The following TMEM204 variants were observed in gnomAD, a reference collection of about 807,000 sequenced individuals.
The protein encoded by TMEM204 is claudin-like protein 24.
In TMEM204, 15 loss-of-function variants were observed where a neutral mutation model predicts 19.4. The observed-to-expected ratio is 0.77, with a 90% CI of 0.52 to 1.19. TMEM204 has a LOEUF of 1.19. Among genes scored for constraint, TMEM204 ranks in the 50% most tolerant of loss-of-function variants. The probability of loss-of-function intolerance (pLI) is 0.00; values close to 1 mark genes in which losing one functional copy is unlikely to be tolerated. For missense variants in TMEM204, 287 were observed against 321.2 expected, an observed-to-expected ratio of 0.89 and a Z score of 0.81; for synonymous variants, 161 against 146.0, an observed-to-expected ratio of 1.10 and a Z score of -0.74.
intron 1 of TMEM204, chr16:1,540,836 C>T (rs900034768): frequency 2.0e-6 from 2 of 985,266 alleles, no homozygotes; most frequent in African/African-American, 1.7e-5. Flanking sequence ...CAATAGAAAA[C>T]AAGGCATGGC....
chr16:1,545,284 AG>A (rs2032073185), intron 2 of TMEM204, among the ~76,000 whole-genome samples: 1 of 150,908 alleles, frequency 6.6e-6, no homozygotes, highest in African/African-American at 2.4e-5. Context: ...CCAGAACGGC[AG>A]GCACCAGGGC....
In TMEM204 at chr16:1,553,636, A is replaced by G. The variant is rs1377013280; in HGVS notation, c.437-1146A>G. ...GAAACAGACTCACTCAGGTTACTGT[A>G]ACAGAGAGGGAGGGGTGCTGGGTGG... On this transcript the variant is annotated intron_variant, in intron 2 of 2. Transcript: ENST00000566264. This position sits in a 1 kb window ranked among gnomAD's most constrained non-coding sequence, Gnocchi z 4.4. 20 of 1,060,346 alleles carry G rather than the reference A, an allele frequency of 1.9e-5. No individual in the cohort carries two copies. The highest frequency in any genetic ancestry group is 2.3e-5 in the Non-Finnish European group (20 of 872,238). The allele number at this position is 1,060,346 out of a possible 1,614,324, so 65.7% of individuals were successfully genotyped here.
chr16:1,554,703 T>C, intron 2 of TMEM204, 79 bp from the exon 3 acceptor site: 1 of 1,575,710 alleles, frequency 6.3e-7, no homozygotes, highest in Non-Finnish European at 8.6e-7. Flanking sequence ...TGGAACCTGC[T>C]CTAGGACAGA....
In TMEM204 at chr16:1,538,179, C is replaced by T. The variant is rs138840050; in HGVS notation, c.280+3624C>T. On this transcript the variant is annotated intron_variant, in intron 1 of 2. Transcript: ENST00000566264. ...CAGGAGTGCCTCCTTCCTGGCAGGG[C>T]GGTGGGTCTGTGGGTGCCCTTGTGG... Among the ~76,000 whole-genome samples, 12 of 152,278 alleles carry T rather than the reference C, an allele frequency of 7.9e-5. No individual in the cohort carries two copies. The East Asian group carries it at 1.9e-3, about 25-fold the overall frequency.
In TMEM204 at chr16:1,553,956, T is replaced by C. The variant is rs183748612; in HGVS notation, c.437-826T>C. On this transcript the variant is annotated intron_variant, in intron 2 of 2. Coordinates refer to ENST00000566264, the MANE Select transcript of TMEM204 (RefSeq NM_024600.6). This position sits in a 1 kb window ranked among gnomAD's most constrained non-coding sequence, Gnocchi z 4.4. Reference sequence around the variant, plus strand: ...AAAGATAAAACTGTAAGTGAAACTGTAGCATCAGCGACTAACTAGACGGGA... The same window carrying C: ...AAAGATAAAACTGTAAGTGAAACTGCAGCATCAGCGACTAACTAGACGGGA... 4.7e-5 allele frequency: 61 copies of C among 1,287,094 alleles called. No individual in the cohort carries two copies. The African/African-American group carries it at 8.2e-4, about 17-fold the overall frequency. The allele number at this position is 1,287,094 out of a possible 1,614,324, so 79.7% of individuals were successfully genotyped here.
At position 1,553,381 on chromosome 16, in the gene TMEM204, G is replaced by T. The variant is rs535097105; in HGVS notation, c.437-1401G>T. ...CGATGCTGGGGCCACACAGGGCAGGGCATGATTTGGTTTCCTGGGGAATGC... is the reference window on the plus strand; with the variant it reads ...CGATGCTGGGGCCACACAGGGCAGGTCATGATTTGGTTTCCTGGGGAATGC... On this transcript the variant is annotated intron_variant, in intron 2 of 2. Coordinates refer to ENST00000566264, the MANE Select transcript of TMEM204 (RefSeq NM_024600.6). This position sits in a 1 kb window ranked among gnomAD's most constrained non-coding sequence, Gnocchi z 4.4. 1.0e-6 allele frequency: 1 copy of T among 985,352 alleles called. No homozygotes were observed. Among genetic ancestry groups the T allele is most frequent in the African/African-American group, 1.7e-5 (1 of 57,334 alleles). The allele number at this position is 985,352 out of a possible 1,614,324, so 61.0% of individuals were successfully genotyped here. A position where few individuals can be genotyped will look rare whatever the true frequency, so the allele number is the denominator to read the frequency against.
chr16:1,547,138 C>A (rs2032243410), intron 2 of TMEM204, among the ~76,000 whole-genome samples: 1 of 152,230 alleles, frequency 6.6e-6, no homozygotes, highest in Admixed American at 6.5e-5. Flanking sequence ...TTCCCACTCC[C>A]CATTACCTTG....
Position 1,534,023 on chromosome 16 carries a change from T to A in TMEM204, c.-253T>A, listed in dbSNP as rs1567339849. The A allele has an allele frequency of 1.9e-6, 1 of 518,046 alleles. No individual in the cohort carries two copies. Among genetic ancestry groups the A allele is most frequent in the African/African-American group, 2.0e-5 (1 of 49,226 alleles). 32.1% of individuals were successfully genotyped at this position (518,046 alleles called of 1,614,324 possible). A position where few individuals can be genotyped will look rare whatever the true frequency, so the allele number is the denominator to read the frequency against. On this transcript the variant is annotated 5_prime_UTR_variant, in exon 1 of 3. Coordinates refer to ENST00000566264, the MANE Select transcript of TMEM204 (RefSeq NM_024600.6). ...CCTGGGTTCTTGCTGCTGCCCACCCTCTGCTCCCTGGGATGGGCCCCGAGG... is the reference window on the plus strand; with the variant it reads ...CCTGGGTTCTTGCTGCTGCCCACCCACTGCTCCCTGGGATGGGCCCCGAGG...
upstream of TMEM204, among the ~76,000 whole-genome samples, chr16:1,530,133 CTTTTT>C (rs922819138): frequency 1.4e-4 from 12 of 88,582 alleles, no homozygotes; most frequent in African/African-American, 4.9e-4. Context: ...CGACGGGAAT[CTTTTT>C]TTTTTTTTTT....
Position 1,555,052 on chromosome 16 carries a change from C to T in TMEM204, c.*26C>T, listed in dbSNP as rs12443939. 0.057 allele frequency: 90,936 copies of T among 1,587,050 alleles called. 4,587 individuals carry two copies. The highest frequency in any genetic ancestry group is 0.26 in the Admixed American group (15,331 of 58,612). On this transcript the variant is annotated 3_prime_UTR_variant, in exon 3 of 3. Coordinates refer to ENST00000566264, the MANE Select transcript of TMEM204 (RefSeq NM_024600.6). ...GTCGCCCTTCTCAGCGCTCCATCAA[C>T]GCACACCTGCTATCGTGGAACAGCC...
intron 2 of TMEM204, 113 bp from the exon 3 acceptor site, chr16:1,554,669 G>A: frequency 1.4e-6 from 2 of 1,456,078 alleles, no homozygotes; most frequent in Non-Finnish European, 1.9e-6. Flanking sequence ...CTAGGACAGA[G>A]GGCTGGGGAA....
Position 1,553,655 on chromosome 16 carries a change from T to A in TMEM204, c.437-1127T>A. 1.0e-6 allele frequency: 1 copy of A among 1,001,944 alleles called. No individual in the cohort carries two copies. The highest frequency in any genetic ancestry group is 3.2e-5 in the South Asian group (1 of 31,692). The allele number at this position is 1,001,944 out of a possible 1,614,324, so 62.1% of individuals were successfully genotyped here. On this transcript the variant is annotated intron_variant, in intron 2 of 2. Transcript: ENST00000566264. This position sits in a 1 kb window ranked among gnomAD's most constrained non-coding sequence, Gnocchi z 4.4. ...TACTGTAACAGAGAGGGAGGGGTGCTGGGTGGGCAGAAGCGGGGCTGGGGC... is the reference window on the plus strand; with the variant it reads ...TACTGTAACAGAGAGGGAGGGGTGCAGGGTGGGCAGAAGCGGGGCTGGGGC...
In TMEM204 at chr16:1,553,694, G is replaced by C. The variant is rs940823101; in HGVS notation, c.437-1088G>C. The C allele has an allele frequency of 4.6e-6, 5 of 1,075,668 alleles. No homozygotes were observed. The African/African-American group carries it at 8.2e-5, about 18-fold the overall frequency. 66.6% of individuals were successfully genotyped at this position (1,075,668 alleles called of 1,614,324 possible). ...CGGGGCTGGGGCTGAAGGCTGGCTG[G>C]AGGCCCCATGGCCTCCAGGACAATC... On this transcript the variant is annotated intron_variant, in intron 2 of 2. Coordinates refer to ENST00000566264, the MANE Select transcript of TMEM204 (RefSeq NM_024600.6). The surrounding 1 kb of genome is among the most constrained non-coding windows in gnomAD (Gnocchi z 4.4).
intron 2 of TMEM204, among the ~76,000 whole-genome samples, chr16:1,548,619 G>T (rs961201323): frequency 6.6e-6 from 1 of 152,194 alleles, no homozygotes; most frequent in Non-Finnish European, 1.5e-5. Flanking sequence ...GGACAATGAG[G>T]AGAGAGGGAA....
chr16:1,538,974 C>G (rs529221055), intron 1 of TMEM204, among the ~76,000 whole-genome samples: 22 of 152,268 alleles, frequency 1.4e-4, no homozygotes, highest in African/African-American at 5.1e-4. Flanking sequence ...GCGCCCCCTA[C>G]CTCAGGCCTC....
At chr16:1,554,181 C>A in intron 2 of TMEM204, 1 of 1,250,628 alleles carries the variant, frequency 8.0e-7, no homozygotes, top group Non-Finnish European at 1.0e-6. Context: ...CCCATCTCCG[C>A]CCTGCCTGAG....
intron 2 of TMEM204, 90 bp from the exon 3 acceptor site, chr16:1,554,692 C>T: frequency 6.6e-7 from 1 of 1,526,350 alleles, no homozygotes; most frequent in Non-Finnish European, 8.9e-7. Flanking sequence ...ATAAAGCAGG[C>T]TGGAACCTGC....
In TMEM204 at chr16:1,541,532, G is replaced by A. The variant is rs2031634226; in HGVS notation, c.281-389G>A. The stretch of plus-strand genomic sequence containing the variant: ...TCGTCTTGGATGCTGTGAATTCAGT[G>A]ACAGGGAAGCCGGTGTTGCTGGTGG... On this transcript the variant is annotated intron_variant, in intron 1 of 2. Coordinates refer to ENST00000566264, the MANE Select transcript of TMEM204 (RefSeq NM_024600.6). 9 of 983,652 alleles carry A rather than the reference G, an allele frequency of 9.1e-6. No individual in the cohort carries two copies. The South Asian group carries it at 3.3e-4, about 36-fold the overall frequency. The allele number at this position is 983,652 out of a possible 1,614,324, so 60.9% of individuals were successfully genotyped here.
In TMEM204 at chr16:1,551,919, T is replaced by C. The variant is rs561736146; in HGVS notation, c.437-2863T>C. On this transcript the variant is annotated intron_variant, in intron 2 of 2. Coordinates refer to ENST00000566264, the MANE Select transcript of TMEM204 (RefSeq NM_024600.6). This position sits in a 1 kb window ranked among gnomAD's most constrained non-coding sequence, Gnocchi z 4.0. The stretch of plus-strand genomic sequence containing the variant: ...CTCAGAAGCCTCCCGGGTGTGTCCC[T>C]GGTGATGTCCCCGGGGCCTCTCCCT... Among the ~76,000 whole-genome samples the C allele has an allele frequency of 6.6e-6, 1 of 152,268 alleles. No individual in the cohort carries two copies. The highest frequency in any genetic ancestry group is 2.1e-4 in the South Asian group (1 of 4,822).
Sources: gnomAD v4.1 joint callset for allele counts (sites outside exome capture counted in the v4.1 genomes callset) on GRCh38, gnomAD v4.1.1 for gene constraint, Gnocchi (gnomAD v3.1) non-coding constraint, MANE v1.5 for transcripts, NCBI Gene and HGNC (gene_info 2026-07-23, HGNC 2026-07-21) for gene names.